TMEM144: variants seen among roughly 807,000 people sequenced by gnomAD.
TMEM144 encodes the protein transmembrane protein 144.
A neutral mutation model predicts 43.6 loss-of-function variants in TMEM144; 39 were observed. That is an observed-to-expected ratio of 0.90 (90% CI 0.69 to 1.17). The LOEUF is 1.17. Among genes scored for constraint, TMEM144 ranks in the 50% most tolerant of loss-of-function variants. The pLI is 0.00. For missense variants in TMEM144, 417 were observed against 411.9 expected (o/e 1.01, Z -0.11); for synonymous variants, 154 against 133.6 (o/e 1.15, Z -1.06).
chr4:158,217,790 G>GA (rs1368195112), intron 5 of TMEM144, among the ~76,000 whole-genome samples: 2 of 152,176 alleles, frequency 1.3e-5, no homozygotes, highest in African/African-American at 4.8e-5. Flanking sequence ...TAGATAAAAA[G>GA]AGATTAAGTA....
chr4:158,227,949 C>T (rs1007289577), intron 6 of TMEM144, among the ~76,000 whole-genome samples: 1 of 152,086 alleles, frequency 6.6e-6, no homozygotes, highest in African/African-American at 2.4e-5. Flanking sequence ...TGTGCCTGAC[C>T]CATGCTTCTT....
chr4:158,226,988 A>G (rs1023200271), intron 6 of TMEM144, among the ~76,000 whole-genome samples: 7 of 152,182 alleles, frequency 4.6e-5, no homozygotes, highest in Middle Eastern at 3.2e-3. Flanking sequence ...AATAGAAGTT[A>G]GTATAATACA....
chr4:158,214,400 G>A (rs1377341621), intron 3 of TMEM144, among the ~76,000 whole-genome samples: 3 of 152,166 alleles, frequency 2.0e-5, no homozygotes, highest in African/African-American at 7.2e-5. Context: ...GAATCCAAGA[G>A]GGGCAACAAT....
At chr4:158,248,777 C>G (rs1736021022) in intron 12 of TMEM144, among the ~76,000 whole-genome samples, 3 of 152,196 alleles carry the variant, frequency 2.0e-5, no homozygotes, top group Admixed American at 2.0e-4. Flanking sequence ...ATTTAAAAGT[C>G]TACAACCTAC....
intron 6 of TMEM144, among the ~76,000 whole-genome samples, chr4:158,231,102 C>G (rs1735056951): frequency 6.6e-6 from 1 of 152,072 alleles, no homozygotes; most frequent in Admixed American, 6.5e-5. Flanking sequence ...ACAGCAGGAC[C>G]CCTCTGGAAT....
At position 158,232,934 on chromosome 4, in the gene TMEM144, A is replaced by G. The variant is rs760276420; in HGVS notation, c.447A>G (p.Ile149Met). The G allele has an allele frequency of 6.2e-7, 1 of 1,612,144 alleles. No individual in the cohort carries two copies. The highest frequency in any genetic ancestry group is 1.1e-5 in the South Asian group (1 of 90,662). Residue 149 changes from isoleucine (I) to methionine (M), a missense_variant, in exon 7 of 13, where the codon ATA becomes ATG. Coordinates refer to ENST00000296529, the MANE Select transcript of TMEM144 (RefSeq NM_018342.5). ...AFIFLFIKSEIPNNTCSMDTT... is the reference protein window; with the variant it reads ...AFIFLFIKSEMPNNTCSMDTT... Reference sequence around the variant, plus strand: ...TATTTTTGTTCATCAAAAGTGAAATACCAAATAACACGTGTTCCATGGATA... The same window carrying G: ...TATTTTTGTTCATCAAAAGTGAAATGCCAAATAACACGTGTTCCATGGATA...
chr4:158,224,832 T>G (rs1487127814), intron 6 of TMEM144, among the ~76,000 whole-genome samples: 1 of 152,136 alleles, frequency 6.6e-6, no homozygotes, highest in Non-Finnish European at 1.5e-5. Flanking sequence ...GCGAAGCTGC[T>G]CTCATCCACG....
At chr4:158,248,079 C>A in intron 12 of TMEM144, among the ~76,000 whole-genome samples, 1 of 122,478 alleles carries the variant, frequency 8.2e-6, no homozygotes, top group African/African-American at 3.1e-5. Context: ...GATAAGATTA[C>A]AAGTATTAAA....
At chr4:158,235,349 G>T in intron 7 of TMEM144, 89 bp from the exon 8 acceptor site, 1 of 1,346,230 alleles carries the variant, frequency 7.4e-7, no homozygotes. Flanking sequence ...ATGTTTGAAA[G>T]AGAAGAGAAA....
rs538314503 is a variant in TMEM144, at chr4:158,237,369, T to C, written c.564-156T>C. The C allele has an allele frequency of 6.0e-4, 371 of 614,808 alleles. 2 individuals carry two copies. Among genetic ancestry groups the C allele is most frequent in the Middle Eastern group, 1.2e-3 (3 of 2,606 alleles). 38.1% of individuals were successfully genotyped at this position (614,808 alleles called of 1,614,324 possible). A position where few individuals can be genotyped will look rare whatever the true frequency, so the allele number is the denominator to read the frequency against. On this transcript the variant is annotated intron_variant, in intron 8 of 12. Coordinates refer to ENST00000296529, the MANE Select transcript of TMEM144 (RefSeq NM_018342.5). Reference sequence around the variant, plus strand: ...GATGCCACTTTAATACTGCAGGGTATTTCTGTGACTTCCGCCAGTCACAGA... The same window carrying C: ...GATGCCACTTTAATACTGCAGGGTACTTCTGTGACTTCCGCCAGTCACAGA...
chr4:158,245,380 T>G (rs1388883552), intron 12 of TMEM144, among the ~76,000 whole-genome samples: 3 of 151,870 alleles, frequency 2.0e-5, no homozygotes, highest in Non-Finnish European at 4.4e-5. Flanking sequence ...GATGTCAGCC[T>G]GGGCAATCAC....
intron 6 of TMEM144, among the ~76,000 whole-genome samples, chr4:158,222,455 C>T (rs1158039814): frequency 6.6e-6 from 1 of 152,182 alleles, no homozygotes; most frequent in Non-Finnish European, 1.5e-5. Context: ...CCTCAGCCTC[C>T]TTGGCCATCA....
rs549355929 is a variant in TMEM144 at position 158,212,589 on chromosome 4, A to AT, written c.-60-13dup. ...CACAGATTCACGTCTCAATTGTTTC[A>AT]TTTTTTCTTTTATTTCAGAAGCTCC... On this transcript the variant is annotated intron_variant, in intron 2 of 12. Coordinates refer to ENST00000296529, the MANE Select transcript of TMEM144 (RefSeq NM_018342.5). 1.7e-5 allele frequency: 18 copies of AT among 1,062,508 alleles called. No individual in the cohort carries two copies. The highest frequency in any genetic ancestry group is 7.6e-5 in the Admixed American group (3 of 39,702). The allele number at this position is 1,062,508 out of a possible 1,614,324, so 65.8% of individuals were successfully genotyped here. A position where few individuals can be genotyped will look rare whatever the true frequency, so the allele number is the denominator to read the frequency against.
intron 9 of TMEM144, among the ~76,000 whole-genome samples, chr4:158,238,722 G>A (rs188149376): frequency 5.3e-4 from 80 of 152,184 alleles, no homozygotes; most frequent in Non-Finnish European, 8.7e-4. Flanking sequence ...TAGGCACAAG[G>A]GAAATCAGAT....
chr4:158,210,562 G>A lies in TMEM144; in HGVS notation c.-207G>A, dbSNP rs1164528339. On this transcript the variant is annotated 5_prime_UTR_variant, in exon 1 of 13. Coordinates refer to ENST00000296529, the MANE Select transcript of TMEM144 (RefSeq NM_018342.5). ...TCGCGCCGGCGCTGAGTAGGAAGGA[G>A]CTTCAGCCGCCAGCCCGGAACGCAG... 6.6e-6 allele frequency: 1 copy of A among 152,290 alleles called. No individual in the cohort carries two copies. The highest frequency in any genetic ancestry group is 1.5e-5 in the Non-Finnish European group (1 of 68,078). The allele number at this position is 152,290 out of a possible 1,614,324, so 9.4% of individuals were successfully genotyped here.
At chr4:158,231,770 A>G (rs1735092358) in intron 6 of TMEM144, among the ~76,000 whole-genome samples, 1 of 152,160 alleles carries the variant, frequency 6.6e-6, no homozygotes, top group Non-Finnish European at 1.5e-5. Context: ...AGAAGCCAAT[A>G]CGAGGATTTA....
At chr4:158,212,334 G>T (rs1008597146) in intron 2 of TMEM144, 14 of 175,980 alleles carry the variant, frequency 8.0e-5, no homozygotes, top group Admixed American at 2.5e-4. Flanking sequence ...AAAACTTTCT[G>T]CAGTGATGGA....
chr4:158,213,353 C>T (rs1427458323), intron 3 of TMEM144: 2 of 152,338 alleles, frequency 1.3e-5, no homozygotes, highest in Non-Finnish European at 2.9e-5. Flanking sequence ...CACAGTAACT[C>T]GTAAGCTGCA....
At chr4:158,252,821 A>AAAG (rs1736277060) in intron 12 of TMEM144, among the ~76,000 whole-genome samples, 1 of 151,572 alleles carries the variant, frequency 6.6e-6, no homozygotes, top group Non-Finnish European at 1.5e-5. Context: ...AAAAAAAAAA[A>AAAG]AGAAAAAAAG....
Sources: gnomAD v4.1 joint callset for allele counts (sites outside exome capture counted in the v4.1 genomes callset) on GRCh38, gnomAD v4.1.1 for gene constraint, MANE v1.5 for transcripts, NCBI Gene and HGNC (gene_info 2026-07-23, HGNC 2026-07-21) for gene names.